Variants in CD163L1 observed in about 807,000 individuals in gnomAD.
CD163L1 encodes the protein CD163 molecule like 1.
A neutral mutation model predicts 165.4 loss-of-function variants in CD163L1; 124 were observed. The ratio of observed to expected loss-of-function variants is 0.75; its 90% CI spans 0.65 to 0.87. The LOEUF is 0.87. Among genes scored for constraint, CD163L1 ranks in the 40% least tolerant of loss-of-function variants. The pLI, the probability that CD163L1 is intolerant of heterozygous loss-of-function variation, is 0.00. For synonymous variants in CD163L1, 585 were observed against 662.2 expected (o/e 0.88, Z 1.79); for missense variants, 1,525 against 1,799.9 (o/e 0.85, Z 2.76).
At chr12:7,363,315 G>GA (rs931759761) in intron 18 of CD163L1, among the ~76,000 whole-genome samples, 22 of 150,294 alleles carry the variant, frequency 1.5e-4, no homozygotes, top group East Asian at 3.9e-4. Flanking sequence ...TCTTAAAAAG[G>GA]AAAAAAAACA....
intron 8 of CD163L1, among the ~76,000 whole-genome samples, chr12:7,384,837 G>T (rs1430550977): frequency 1.3e-5 from 2 of 151,832 alleles, no homozygotes; most frequent in Non-Finnish European, 2.9e-5. Context: ...GAAAGCACAT[G>T]AAAGTATAAA....
At chr12:7,439,153 C>T in intron 2 of CD163L1, 1 of 1,576,106 alleles carries the variant, frequency 6.3e-7, no homozygotes. Context: ...CGGAATGTAG[C>T]CCTTCATTGT....
chr12:7,392,239 G>A (rs747223765), intron 8 of CD163L1, among the ~76,000 whole-genome samples: 34 of 152,188 alleles, frequency 2.2e-4, no homozygotes, highest in South Asian at 1.2e-3. Flanking sequence ...AGACCACAGC[G>A]CAATCAAATT....
chr12:7,442,799 T>C (rs758920380), intron 1 of CD163L1, among the ~76,000 whole-genome samples: 70 of 152,286 alleles, frequency 4.6e-4, no homozygotes, highest in South Asian at 2.5e-3. Context: ...TGAGTGCCCA[T>C]TTGTAAGAAT....
chr12:7,436,365 C>T (rs1054073402), intron 2 of CD163L1, among the ~76,000 whole-genome samples: 2 of 151,966 alleles, frequency 1.3e-5, no homozygotes, highest in African/African-American at 4.8e-5. Context: ...TTGGAGTACA[C>T]AAAGATATAG....
intron 9 of CD163L1, among the ~76,000 whole-genome samples, chr12:7,377,544 T>C (rs1947295727): frequency 6.6e-6 from 1 of 152,240 alleles, no homozygotes; most frequent in Non-Finnish European, 1.5e-5. Context: ...ATGCCTATTA[T>C]CCCAACATCT....
In CD163L1 at chr12:7,367,320, T is replaced by C. The variant is rs1471581690; in HGVS notation, c.4195A>G (p.Arg1399Gly). ...KHLPLRVSTR[R>G]RGSLEENLFH... ...AAATTCTCCTCGAGAGAACCCCTCC[T>C]TCTGGTTGAAACTGAGAATGGATGC... is the stretch of plus-strand genomic sequence containing the variant. Residue 1399 changes from arginine (R) to glycine (G), a missense_variant, in exon 18 of 20, where the codon AGG becomes GGG. Coordinates refer to ENST00000313599, the MANE Select transcript of CD163L1 (RefSeq NM_174941.6). 5 of 1,612,196 alleles carry C rather than the reference T, an allele frequency of 3.1e-6. No homozygotes were observed. The African/African-American group carries it at 6.7e-5, about 22-fold the overall frequency.
chr12:7,396,556 T>A, intron 7 of CD163L1, 141 bp from the exon 8 acceptor site: 1 of 815,970 alleles, frequency 1.2e-6, no homozygotes, highest in East Asian at 2.7e-5. Flanking sequence ...CAGATGTGAT[T>A]AACCTTTAAA....
At chr12:7,434,352 C>T (rs769416891) in intron 2 of CD163L1, among the ~76,000 whole-genome samples, 8 of 152,228 alleles carry the variant, frequency 5.3e-5, no homozygotes, top group Non-Finnish European at 1.0e-4. Flanking sequence ...CCATTGGCTA[C>T]TCATATTCCC....
intron 2 of CD163L1, chr12:7,438,937 G>T (rs1591975806): frequency 6.2e-7 from 1 of 1,606,412 alleles, no homozygotes; most frequent in Admixed American, 1.7e-5. Context: ...TCTTCTCTAA[G>T]AATGCGTTCT....
intron 18 of CD163L1, among the ~76,000 whole-genome samples, chr12:7,365,141 C>T (rs1316986631): frequency 6.6e-6 from 1 of 152,032 alleles, no homozygotes; most frequent in Admixed American, 6.6e-5. Flanking sequence ...CCACTCTCTG[C>T]AAATACACCA....
downstream of CD163L1, among the ~76,000 whole-genome samples, chr12:7,342,561 A>G (rs189316253): frequency 3.8e-4 from 58 of 152,264 alleles, no homozygotes; most frequent in Non-Finnish European, 6.2e-4. Context: ...TGTGTCTTTA[A>G]TTCCTCTAGC....
the CD163L1 span, chr12:7,327,096 G>C: frequency 1.3e-6 from 2 of 1,597,872 alleles, no homozygotes; most frequent in South Asian, 2.3e-5. Context: ...TCCAAGAAAG[G>C]CAAGTGCTTT....
the CD163L1 span, chr12:7,324,675 C>A: frequency 5.8e-3 from 8,505 of 1,454,932 alleles, 421 homozygotes; most frequent in African/African-American, 0.1. Flanking sequence ...AAAGGCTGAA[C>A]CAAGAGAGGT....
At chr12:7,326,986 C>A in the CD163L1 span, 1 of 1,603,220 alleles carries the variant, frequency 6.2e-7, no homozygotes, top group Middle Eastern at 1.7e-4. Context: ...GTGGTGAAAG[C>A]TTTTGTTGTC....
At chr12:7,388,128 T>C (rs1407960821) in intron 8 of CD163L1, among the ~76,000 whole-genome samples, 6 of 151,886 alleles carry the variant, frequency 4.0e-5, no homozygotes, top group Non-Finnish European at 2.9e-5. Flanking sequence ...CAAAGGAAAA[T>C]GGATTAAATA....
chr12:7,379,399 T>A, intron 8 of CD163L1, 101 bp from the exon 9 acceptor site: 1 of 1,195,198 alleles, frequency 8.4e-7, no homozygotes, highest in African/African-American at 1.5e-5. Flanking sequence ...TGGCCAAAAG[T>A]TGAGAGATTG....
chr12:7,361,021 A>AT (rs2136385148), intron 18 of CD163L1, among the ~76,000 whole-genome samples: 1 of 152,094 alleles, frequency 6.6e-6, no homozygotes, highest in South Asian at 2.1e-4. Flanking sequence ...TTAGGTTCAG[A>AT]TTGCAAGTTC....
chr12:7,387,832 CAAG>C lies in CD163L1; in HGVS notation c.2050+8260_2050+8262del, dbSNP rs1947553822. Among the ~76,000 whole-genome samples, 4 of 152,238 alleles carry C rather than the reference CAAG, an allele frequency of 2.6e-5. No individual in the cohort carries two copies. The South Asian group carries it at 6.2e-4, about 24-fold the overall frequency. On this transcript the variant is annotated intron_variant, in intron 8 of 19. Transcript: ENST00000313599. ...CCTGAATAACCACAGCAACCCCAAGCAAGAAGAATAAATCTTGAGGCACATCAT... is the reference window on the plus strand; with the variant it reads ...CCTGAATAACCACAGCAACCCCAAGCAAGAATAAATCTTGAGGCACATCAT...
Sources: allele counts gnomAD v4.1 joint callset (sites outside exome capture counted in the v4.1 genomes callset), GRCh38; gene constraint gnomAD v4.1.1; transcripts MANE v1.5; gene names NCBI Gene and HGNC (gene_info 2026-07-23, HGNC 2026-07-21).